RNF152: variants seen among roughly 807,000 people sequenced by gnomAD.
RNF152 encodes the protein E3 ubiquitin-protein ligase RNF152.
Under a neutral mutation model 12.7 loss-of-function variants are expected in RNF152, and 11 were observed. That is an observed-to-expected ratio of 0.86 (90% confidence interval 0.54 to 1.43). The LOEUF is 1.43. Among genes scored for constraint, RNF152 ranks in the 40% most tolerant of loss-of-function variants. RNF152 has a pLI of 0.00. For synonymous variants in RNF152, 113 were observed against 120.3 expected, an observed-to-expected ratio of 0.94 and a Z score of 0.40; for missense variants, 255 against 274.8, an observed-to-expected ratio of 0.93 and a Z score of 0.51.
At chr18:61,877,326 C>A (rs1217329394) in intron 1 of RNF152, among the ~76,000 whole-genome samples, 1 of 152,188 alleles carries the variant, frequency 6.6e-6, no homozygotes, top group Non-Finnish European at 1.5e-5. Flanking sequence ...TTTTACAGGA[C>A]ACTAATCCAT....
intron 1 of RNF152, among the ~76,000 whole-genome samples, chr18:61,821,175 T>C (rs1448073698): frequency 2.6e-5 from 4 of 152,246 alleles, no homozygotes; most frequent in African/African-American, 7.2e-5. Flanking sequence ...CTGCGTACCA[T>C]CATTGGTCAA....
intron 1 of RNF152, chr18:61,890,419 G>A (rs1387312290): frequency 6.6e-6 from 1 of 152,206 alleles, no homozygotes; most frequent in Non-Finnish European, 1.5e-5. Flanking sequence ...TTTCCTTCCC[G>A]ATGCTGCAAT....
intron 1 of RNF152, chr18:61,875,215 A>G (rs568135668): frequency 6.6e-6 from 1 of 152,364 alleles, no homozygotes; most frequent in African/African-American, 2.4e-5. Flanking sequence ...GAGTTAACCA[A>G]TTTGTATGAG....
intron 1 of RNF152, among the ~76,000 whole-genome samples, chr18:61,844,874 A>C (rs12604567): frequency 0.1 from 15,445 of 152,164 alleles, 1,211 homozygotes; most frequent in East Asian, 0.4. Flanking sequence ...TTAAAACAAA[A>C]AAAAAAAAGC....
rs115106041 is a variant in RNF152, at chr18:61,877,292, A to G, written c.-136+15503T>C. On this transcript the variant is annotated intron_variant, in intron 1 of 1. Coordinates refer to ENST00000312828, the MANE Select transcript of RNF152 (RefSeq NM_173557.3). ...AGAATGGTGCACTGAATTTAGTCTG[A>G]TAAGCAAGTTCTTGGGTTCAGCATT... is the stretch of plus-strand genomic sequence containing the variant. Among the ~76,000 whole-genome samples the G allele has an allele frequency of 8.8e-3, 1,348 of 152,346 alleles. 15 individuals are homozygous for G. Among genetic ancestry groups the G allele is most frequent in the African/African-American group, 0.03 (1,263 of 41,578 alleles).
At chr18:61,837,837 T>C (rs2144663669) in intron 1 of RNF152, among the ~76,000 whole-genome samples, 1 of 152,320 alleles carries the variant, frequency 6.6e-6, no homozygotes, top group South Asian at 2.1e-4. Context: ...TCTAGCAGAG[T>C]TCCTGGCTCA....
chr18:61,867,700 G>A (rs979180334), intron 1 of RNF152, among the ~76,000 whole-genome samples: 2 of 152,084 alleles, frequency 1.3e-5, no homozygotes, highest in Non-Finnish European at 2.9e-5. Flanking sequence ...ACCATCCTGG[G>A]ATACAATTCT....
chr18:61,874,332 A>G (rs1358309791), intron 1 of RNF152, among the ~76,000 whole-genome samples: 1 of 152,242 alleles, frequency 6.6e-6, no homozygotes, highest in African/African-American at 2.4e-5. Flanking sequence ...GTGATAGCCA[A>G]CATATTGTAT....
intron 1 of RNF152, among the ~76,000 whole-genome samples, chr18:61,886,530 C>G (rs562711447): frequency 1.3e-5 from 2 of 152,182 alleles, no homozygotes; most frequent in African/African-American, 2.4e-5. Context: ...CATGATTTTG[C>G]CCCCATTGTA....
chr18:61,852,900 T>C (rs1911051390), intron 1 of RNF152, among the ~76,000 whole-genome samples: 1 of 152,190 alleles, frequency 6.6e-6, no homozygotes, highest in Non-Finnish European at 1.5e-5. Context: ...GGATTTAACA[T>C]TTTCAGACAC....
chr18:61,868,127 C>G (rs1360057466), intron 1 of RNF152, among the ~76,000 whole-genome samples: 1 of 152,162 alleles, frequency 6.6e-6, no homozygotes, highest in Non-Finnish European at 1.5e-5. Flanking sequence ...CAGTCATTTT[C>G]CTCGTAGCCA....
chr18:61,867,178 C>T (rs1016028915), intron 1 of RNF152, among the ~76,000 whole-genome samples: 11 of 152,204 alleles, frequency 7.2e-5, no homozygotes, highest in Admixed American at 3.3e-4. Context: ...GATTGGGGAC[C>T]GGGTGCGGTG....
chr18:61,872,498 TA>T (rs1262456258), intron 1 of RNF152, among the ~76,000 whole-genome samples: 1 of 152,170 alleles, frequency 6.6e-6, no homozygotes, highest in African/African-American at 2.4e-5. Flanking sequence ...AATTCAAAAT[TA>T]ACTCCTTGCA....
intron 1 of RNF152, among the ~76,000 whole-genome samples, chr18:61,864,259 C>G (rs1342038606): frequency 6.6e-6 from 1 of 152,194 alleles, no homozygotes; most frequent in Non-Finnish European, 1.5e-5. Context: ...GTGCTTCTGA[C>G]TGACTGGCTA....
chr18:61,881,736 G>C (rs970944544), intron 1 of RNF152, among the ~76,000 whole-genome samples: 6 of 152,074 alleles, frequency 3.9e-5, no homozygotes, highest in African/African-American at 1.4e-4. Context: ...TTGCCCCCAA[G>C]AGAATGTTAT....
upstream of RNF152, chr18:61,893,317 G>C (rs988509587): frequency 1.3e-5 from 2 of 152,308 alleles, no homozygotes; most frequent in South Asian, 2.1e-4. Flanking sequence ...CACACAGCGC[G>C]GCAATCCCGA....
At chr18:61,851,624 A>C (rs1910985430) in intron 1 of RNF152, among the ~76,000 whole-genome samples, 1 of 152,346 alleles carries the variant, frequency 6.6e-6, no homozygotes, top group East Asian at 1.9e-4. Context: ...TTCAGAGCCA[A>C]GGTTTAAACT....
intron 1 of RNF152, among the ~76,000 whole-genome samples, chr18:61,822,838 A>G (rs1909481956): frequency 6.6e-6 from 1 of 152,272 alleles, no homozygotes. Context: ...ACTAGGCACT[A>G]CATTGCTTTT....
Position 61,822,608 on chromosome 18 carries a change from G to T in RNF152, c.-135-6010C>A, listed in dbSNP as rs539919916. On this transcript the variant is annotated intron_variant, in intron 1 of 1. Transcript: ENST00000312828. ...ATGAGCCCAAGGATAAAAAAAGCCA[G>T]TGAAGTAGATAATCCAGATAGTTTT... is the stretch of plus-strand genomic sequence containing the variant. Among the ~76,000 whole-genome samples the T allele has an allele frequency of 2.0e-5, 3 of 152,190 alleles. No individual in the cohort carries two copies. In the South Asian group the frequency reaches 6.2e-4, roughly 32 times the overall value.
Sources: allele counts gnomAD v4.1 joint callset (sites outside exome capture counted in the v4.1 genomes callset), GRCh38; gene constraint gnomAD v4.1.1; transcripts MANE v1.5; gene names NCBI Gene and HGNC (gene_info 2026-07-23, HGNC 2026-07-21).